COLQ: variants seen among roughly 807,000 people sequenced by gnomAD.
COLQ encodes the protein acetylcholinesterase collagenic tail peptide.
A neutral mutation model predicts 69.0 loss-of-function variants in COLQ; 48 were observed. The ratio of observed to expected loss-of-function variants is 0.70; its 90% confidence interval spans 0.55 to 0.88. The LOEUF is 0.88. Among genes scored for constraint, COLQ ranks in the 40% least tolerant of loss-of-function variants. The pLI, the probability that COLQ is intolerant of heterozygous loss-of-function variation, is 0.00. For missense variants in COLQ, 618 were observed against 594.6 expected (o/e 1.04, Z -0.41); for synonymous variants, 217 against 211.2 (o/e 1.03, Z -0.24).
intron 1 of COLQ, among the ~76,000 whole-genome samples, chr3:15,494,840 G>A (rs2125149597): frequency 6.6e-6 from 1 of 152,256 alleles, no homozygotes. Flanking sequence ...TCTGGCATAT[G>A]CTAGACACTC....
At chr3:15,471,748 C>T (rs1369055315) in intron 10 of COLQ, among the ~76,000 whole-genome samples, 1 of 152,222 alleles carries the variant, frequency 6.6e-6, no homozygotes, top group Non-Finnish European at 1.5e-5. Flanking sequence ...GCCAATGTGT[C>T]CCTACCCAAG....
intron 12 of COLQ, among the ~76,000 whole-genome samples, chr3:15,458,961 A>G (rs2062066141): frequency 1.3e-5 from 2 of 151,548 alleles, no homozygotes; most frequent in Admixed American, 6.6e-5. Context: ...CTCCTGCCTC[A>G]GCCTCCTGTG....
chr3:15,464,502 A>T (rs2062168043), intron 12 of COLQ, among the ~76,000 whole-genome samples: 1 of 152,212 alleles, frequency 6.6e-6, no homozygotes, highest in Non-Finnish European at 1.5e-5. Flanking sequence ...GAGTAGTGAA[A>T]ATCCTAATAA....
At chr3:15,466,289 G>A in intron 12 of COLQ, 52 bp downstream of exon 12, 1 of 1,335,710 alleles carries the variant, frequency 7.5e-7, no homozygotes, top group South Asian at 1.2e-5. Context: ...CCCTCTCTGG[G>A]AGGCTGGCCA....
chr3:15,474,830 T>A, intron 8 of COLQ, 95 bp downstream of exon 8: 1 of 1,433,640 alleles, frequency 7.0e-7, no homozygotes, highest in Non-Finnish European at 9.8e-7. Flanking sequence ...AGTTGCAGAC[T>A]AAAGAGAGAC....
At chr3:15,483,416 C>T (rs2062524558) in intron 3 of COLQ, among the ~76,000 whole-genome samples, 1 of 152,162 alleles carries the variant, frequency 6.6e-6, no homozygotes, top group African/African-American at 2.4e-5. Flanking sequence ...TGTTGTGTCT[C>T]TGTTCTCATG....
At chr3:15,456,136 C>A in intron 14 of COLQ, 117 bp from the exon 15 acceptor site, 1 of 1,252,758 alleles carries the variant, frequency 8.0e-7, no homozygotes. Flanking sequence ...TGACTTCCTC[C>A]CAGGGGTGGG....
chr3:15,469,627 GAAACCTGGCTGCACATTAA>G (rs1559517494), intron 11 of COLQ, among the ~76,000 whole-genome samples: 1 of 152,128 alleles, frequency 6.6e-6, no homozygotes, highest in Non-Finnish European at 1.5e-5. Flanking sequence ...TTATGGTTCT[GAAACCTGGCTGCACATTAA>G]AATCATATGG....
At chr3:15,506,282 A>T (rs2062909865) in intron 1 of COLQ, among the ~76,000 whole-genome samples, 1 of 152,192 alleles carries the variant, frequency 6.6e-6, no homozygotes, top group Non-Finnish European at 1.5e-5. Context: ...AAAGACAAAA[A>T]ATTCCATCTT....
At chr3:15,454,651 GTTTTTTTTTTT>G (rs56053367) in intron 15 of COLQ, among the ~76,000 whole-genome samples, 15 of 118,144 alleles carry the variant, frequency 1.3e-4, no homozygotes, top group Non-Finnish European at 2.2e-4. Flanking sequence ...CCCCTGAACT[GTTTTTTTTTTT>G]TTTTTTTTTT....
intron 12 of COLQ, among the ~76,000 whole-genome samples, chr3:15,461,998 C>CTTTT (rs1553635120): frequency 7.3e-6 from 1 of 137,914 alleles, no homozygotes; most frequent in Non-Finnish European, 1.6e-5. Flanking sequence ...ACAGGGATAA[C>CTTTT]TTATTTATTT....
rs567751628 is a variant in COLQ, at chr3:15,505,607, T to C, written c.106+15913A>G. ...ATAAAGAAACCTCTCCATGGCTGGC[T>C]GCGCCTTGACTCTGAATTTGATTAC... is the stretch of plus-strand genomic sequence containing the variant. On this transcript the variant is annotated intron_variant, in intron 1 of 16. Coordinates refer to ENST00000383788, the MANE Select transcript of COLQ (RefSeq NM_005677.4). Among the ~76,000 whole-genome samples, 3 of 152,368 alleles carry C rather than the reference T, an allele frequency of 2.0e-5. No individual in the cohort carries two copies. In the South Asian group the frequency reaches 6.2e-4, roughly 32 times the overall value.
rs369311895 is a variant in COLQ at position 15,511,056 on chromosome 3, T to A, written c.106+10464A>T. Among the ~76,000 whole-genome samples the A allele has an allele frequency of 2.0e-5, 3 of 152,246 alleles. No individual in the cohort carries two copies. In the East Asian group the frequency reaches 5.8e-4, roughly 29 times the overall value. On this transcript the variant is annotated intron_variant, in intron 1 of 16. Coordinates refer to ENST00000383788, the MANE Select transcript of COLQ (RefSeq NM_005677.4). ...CGCCAAGACCCCTTCTTTGTGTGGG[T>A]GCTAATTCTGTAAATTTGCAAATAG...
Position 15,477,180 on chromosome 3 carries a change from T to TG in COLQ, c.410dup (p.Gly138ArgfsTer15). ...TGGGCCCAGGCATGCCAGGAACACCTGGGGGGCCAGGTCTACCCTTCAAAG... is the reference window on the plus strand; with the variant it reads ...TGGGCCCAGGCATGCCAGGAACACCTGGGGGGGCCAGGTCTACCCTTCAAAG... On this transcript the variant is annotated frameshift_variant, in exon 6 of 17. Transcript: ENST00000383788. LOFTEE classifies it high-confidence loss of function. 1 of 1,606,368 alleles carries TG rather than the reference T, an allele frequency of 6.2e-7. No individual in the cohort carries two copies. The highest frequency in any genetic ancestry group is 8.5e-7 in the Non-Finnish European group (1 of 1,176,854).
rs971701918 is a variant in COLQ, at chr3:15,470,758, T to C, written c.637-142A>G. 1.1e-5 allele frequency: 9 copies of C among 788,214 alleles called. No homozygotes were observed. The African/African-American group carries it at 1.5e-4, about 13-fold the overall frequency. The allele number at this position is 788,214 out of a possible 1,614,324, so 48.8% of individuals were successfully genotyped here. On this transcript the variant is annotated intron_variant, in intron 10 of 16. Coordinates refer to ENST00000383788, the MANE Select transcript of COLQ (RefSeq NM_005677.4). ...TGCCAACTGGGCTGCCCTGCAAGGT[T>C]AGCAGAGTGAGGAAGTCATGAGAAA...
intron 11 of COLQ, chr3:15,467,728 G>T (rs1559516706): frequency 7.7e-6 from 3 of 388,252 alleles, no homozygotes; most frequent in Non-Finnish European, 5.1e-6. Context: ...TTTTGACCTG[G>T]TTCTTCTTAC....
intron 1 of COLQ, among the ~76,000 whole-genome samples, chr3:15,496,633 C>G (rs1481305618): frequency 6.6e-6 from 1 of 152,236 alleles, no homozygotes. Flanking sequence ...CTTGGAAATG[C>G]CAACCATCAC....
intron 1 of COLQ, among the ~76,000 whole-genome samples, chr3:15,501,125 AAG>A (rs758550259): frequency 6.0e-4 from 92 of 152,218 alleles, no homozygotes; most frequent in Non-Finnish European, 1.1e-3. Flanking sequence ...TCACCACGGC[AAG>A]AGCTGCCTGT....
At chr3:15,513,409 T>C (rs1029355720) in intron 1 of COLQ, among the ~76,000 whole-genome samples, 1 of 152,188 alleles carries the variant, frequency 6.6e-6, no homozygotes, top group Non-Finnish European at 1.5e-5. Flanking sequence ...CTTGTGTCTA[T>C]GCCAGAGCGC....
Sources: gnomAD v4.1 joint callset for allele counts (sites outside exome capture counted in the v4.1 genomes callset) on GRCh38, gnomAD v4.1.1 for gene constraint, MANE v1.5 for transcripts, NCBI Gene and HGNC (gene_info 2026-07-23, HGNC 2026-07-21) for gene names.